Variants in FASN observed in about 807,000 individuals in gnomAD.
FASN encodes the protein fatty acid synthase.
Under a neutral mutation model 250.0 loss-of-function variants are expected in FASN, and 50 were observed. That is an observed-to-expected ratio of 0.20 (90% CI 0.16 to 0.25). The LOEUF is 0.25. FASN is among the 10% of genes least tolerant of loss of function. FASN has a pLI of 1.00. For synonymous variants in FASN, 1,909 were observed against 1,584.0 expected (o/e 1.21, Z -4.87); for missense variants, 3,031 against 3,498.5 (o/e 0.87, Z 3.37).
At position 82,091,478 on chromosome 17, in the gene FASN, G is replaced by C. The variant is rs558030339; in HGVS notation, c.1236C>G (p.Pro412=). ...GCAGGGTGGCATGTGGGGCGGGTGCGGGGGGCGGCTGCGTGTTGGGCCTCA... is the reference window on the plus strand; with the variant it reads ...GCAGGGTGGCATGTGGGGCGGGTGCCGGGGGCGGCTGCGTGTTGGGCCTCA... ...IILRPNTQPP[P]APAPHATLPR... Residue 412 remains proline, a synonymous_variant, in exon 9 of 43, where the codon CCC becomes CCG. Coordinates refer to ENST00000306749, the MANE Select transcript of FASN (RefSeq NM_004104.5). 6.2e-7 allele frequency: 1 copy of C among 1,604,402 alleles called. No individual in the cohort carries two copies. Among genetic ancestry groups the C allele is most frequent in the African/African-American group, 1.3e-5 (1 of 74,742 alleles).
chr17:82,089,446 G>T, intron 12 of FASN, 62 bp from the exon 13 acceptor site: 1 of 1,611,956 alleles, frequency 6.2e-7, no homozygotes, highest in Non-Finnish European at 8.5e-7. Context: ...GCTCGGAGAG[G>T]TAGGGCGCAC....
At chr17:82,097,361 G>T (rs1193665995) in intron 1 of FASN, 5 of 152,414 alleles carry the variant, frequency 3.3e-5, no homozygotes, top group Admixed American at 2.6e-4. Context: ...GTGCGGCCCT[G>T]GGGGGAGGGG....
Position 82,085,557 on chromosome 17 carries a change from C to T in FASN, c.4047G>A (p.Arg1349=). ...CCACGATGTCCCCGAGGGGGTGCCC[C>T]CGGAGCAGTGTGTGCAGGAGCAGAA... The part of the protein sequence containing the change: ...GGFLLLHTLL[R]GHPLGDIVAF... Residue 1349 remains arginine, a synonymous_variant, in exon 23 of 43, where the codon CGG becomes CGA. Coordinates refer to ENST00000306749, the MANE Select transcript of FASN (RefSeq NM_004104.5). 6.3e-7 allele frequency: 1 copy of T among 1,595,406 alleles called. No individual in the cohort carries two copies. The highest frequency in any genetic ancestry group is 1.3e-5 in the African/African-American group (1 of 74,686).
intron 3 of FASN, chr17:82,094,091 G>T: frequency 2.1e-6 from 1 of 467,970 alleles, no homozygotes; most frequent in East Asian, 4.2e-5. Flanking sequence ...GAAGGACAGA[G>T]GGCAGCATTG....
chr17:82,096,212 C>T, intron 2 of FASN, 107 bp downstream of exon 2: 2 of 1,561,170 alleles, frequency 1.3e-6, no homozygotes, highest in Non-Finnish European at 1.7e-6. Flanking sequence ...CGGCCTCAGG[C>T]CAGTGCCTGG....
Position 82,083,509 on chromosome 17 carries a change from G to A in FASN, c.5341+8C>T, listed in dbSNP as rs371663784. On this transcript the variant is annotated splice_region_variant and intron_variant, in intron 31 of 42. Coordinates refer to ENST00000306749, the MANE Select transcript of FASN (RefSeq NM_004104.5). Reference sequence around the variant, plus strand: ...TGCCCACCCCCGCCCAGGCGCTGCCGGCCTCACCGAGCGGGTGGTTCTGAG... The same window carrying A: ...TGCCCACCCCCGCCCAGGCGCTGCCAGCCTCACCGAGCGGGTGGTTCTGAG... 1.2e-4 allele frequency: 201 copies of A among 1,612,786 alleles called. No individual in the cohort carries two copies. Among genetic ancestry groups the A allele is most frequent in the South Asian group, 9.3e-4 (85 of 91,086 alleles).
intron 19 of FASN, 58 bp downstream of exon 19, chr17:82,087,627 C>G (rs906175668): frequency 5.0e-6 from 8 of 1,603,056 alleles, no homozygotes; most frequent in Non-Finnish European, 6.8e-6. Flanking sequence ...CCTCTGTGGT[C>G]CCCACAATGA....
At chr17:82,095,136 T>TG (rs1172836347) in intron 3 of FASN, among the ~76,000 whole-genome samples, 184 bp downstream of exon 3, 2 of 152,190 alleles carry the variant, frequency 1.3e-5, no homozygotes, top group Non-Finnish European at 2.9e-5. Flanking sequence ...GGGGTGCAGT[T>TG]GGGAAACTGC....
rs1486817970 is a variant in FASN at position 82,082,141 on chromosome 17, G to A, written c.6031C>T (p.Pro2011Ser). ...AAGACCACAAAGTAGTCCAGCTCAG[G>A]GCACGCCTCTCGGGTCACCCTGTGG... is the stretch of plus-strand genomic sequence containing the variant. ...NLDRVTREACPELDYFVVFSS... is the reference protein window; with the variant it reads ...NLDRVTREACSELDYFVVFSS... The change falls in exon 36 of 43, where the codon CCT (proline) becomes TCT (serine). Residue 2011 changes from proline (P) to serine (S), a missense_variant. By Grantham distance (74) the Pro-to-Ser change is moderately conservative (BLOSUM62 -1). Transcript: ENST00000306749. 1 of 1,604,906 alleles carries A rather than the reference G, an allele frequency of 6.2e-7. No individual in the cohort carries two copies. The highest frequency in any genetic ancestry group is 1.3e-5 in the African/African-American group (1 of 75,050).
In FASN at chr17:82,092,540, G is replaced by C. The variant is rs1218333942; in HGVS notation, c.944C>G (p.Thr315Ser). The change falls in exon 8 of 43, where the codon ACC becomes AGC. Residue 315 changes from threonine to serine, a missense_variant. Transcript: ENST00000306749. ...GCCGATGAGCAGCGGCTCCTGGCGGGTGGCGCACAGGGCTCGGGTGATGCC... is the reference window on the plus strand; with the variant it reads ...GCCGATGAGCAGCGGCTCCTGGCGGCTGGCGCACAGGGCTCGGGTGATGCC... ...LNGITRALCA[T>S]RQEPLLIGST... 3 of 1,606,464 alleles carry C rather than the reference G, an allele frequency of 1.9e-6. No homozygotes were observed. In the South Asian group the frequency reaches 3.3e-5, roughly 18 times the overall value.
chr17:82,088,610 G>A (rs975304552), intron 15 of FASN, 48 bp from the exon 16 acceptor site: 5 of 1,584,828 alleles, frequency 3.2e-6, no homozygotes, highest in Non-Finnish European at 4.3e-6. Flanking sequence ...CGGGGTCCAG[G>A]GGCTCTGGGT....
In FASN at chr17:82,081,228, G is replaced by A. The variant is rs1160132362; in HGVS notation, c.6531C>T (p.Arg2177=). The change falls in exon 38 of 43, where the codon CGC becomes CGT. Residue 2177 remains arginine (R), a synonymous_variant. Transcript: ENST00000306749. ...TCCGGAGCGTGAGTTGCCGCACCTCGCGCACGGACAGCACCAGGTTGAGCT... is the reference window on the plus strand; with the variant it reads ...TCCGGAGCGTGAGTTGCCGCACCTCACGCACGGACAGCACCAGGTTGAGCT... ...ERELNLVLSV[R]EVRQLTLRKL... The A allele has an allele frequency of 5.0e-6, 8 of 1,591,474 alleles. No homozygotes were observed. The highest frequency in any genetic ancestry group is 1.7e-4 in the Middle Eastern group (1 of 5,964).
chr17:82,091,363 G>A lies in FASN; in HGVS notation c.1351C>T (p.Leu451=). 1.2e-6 allele frequency: 2 copies of A among 1,611,182 alleles called. No homozygotes were observed. Among genetic ancestry groups the A allele is most frequent in the Non-Finnish European group, 8.5e-7 (1 of 1,179,306 alleles). ...GLRHSQDLAF[L]SMLNDIAAVP... ...GCCGCGATGTCGTTCAGCATGCTCA[G>A]GAAAGCCAGGTCCTGGCTGTGCCGG... Residue 451 remains leucine (L), a synonymous_variant, in exon 9 of 43, where the codon CTG becomes TTG. Transcript: ENST00000306749.
Position 82,080,942 on chromosome 17 carries a change from T to A in FASN, c.6596-20A>T, listed in dbSNP as rs374109677. 2.5e-6 allele frequency: 4 copies of A among 1,585,494 alleles called. No homozygotes were observed. In the African/African-American group the frequency reaches 5.4e-5, roughly 21 times the overall value. On this transcript the variant is annotated intron_variant, in intron 38 of 42. Coordinates refer to ENST00000306749, the MANE Select transcript of FASN (RefSeq NM_004104.5). ...CCAGCTCTGTGAAGACAGGGGCAGATGCCAGGCTGGTCTGGGTGCAGAGCC... is the reference window on the plus strand; with the variant it reads ...CCAGCTCTGTGAAGACAGGGGCAGAAGCCAGGCTGGTCTGGGTGCAGAGCC...
At position 82,087,980 on chromosome 17, in the gene FASN, G is replaced by A; in HGVS notation, c.2840C>T (p.Ser947Leu). The stretch of plus-strand genomic sequence containing the variant: ...ACTCACTACCAGGTTGCCGTTCTCT[G>A]ACACCTCGAAGGCACGGGAGGCCTC... The part of the protein sequence containing the change: ...LLEASRAFEV[S>L]ENGNLVVSGK... Residue 947 changes from serine to leucine, a missense_variant, in exon 18 of 43, where the codon TCA (serine) becomes TTA (leucine). By Grantham distance (145) the Ser-to-Leu change is moderately radical (BLOSUM62 -2). Coordinates refer to ENST00000306749, the MANE Select transcript of FASN (RefSeq NM_004104.5). The A allele has an allele frequency of 6.2e-7, 1 of 1,612,712 alleles. No individual in the cohort carries two copies. Among genetic ancestry groups the A allele is most frequent in the South Asian group, 1.1e-5 (1 of 91,078 alleles).
rs752671593 is a variant in FASN, at chr17:82,088,375, C to G, written c.2593+15G>C. 4 of 1,611,722 alleles carry G rather than the reference C, an allele frequency of 2.5e-6. No individual in the cohort carries two copies. Among genetic ancestry groups the G allele is most frequent in the Non-Finnish European group, 3.4e-6 (4 of 1,179,690 alleles). ...GGGAGGGAAGAGTCTGCCCACCCGC[C>G]GGGCCCCTGCTCACCGATGTTGTAG... On this transcript the variant is annotated intron_variant, in intron 16 of 42. Transcript: ENST00000306749.
intron 25 of FASN, 29 bp downstream of exon 25, chr17:82,085,006 G>C: frequency 6.3e-7 from 1 of 1,592,298 alleles, no homozygotes; most frequent in Non-Finnish European, 8.5e-7. Context: ...TGGTGGGGAA[G>C]GGGAAGTGGT....
At chr17:82,088,690 G>C in intron 15 of FASN, 71 bp downstream of exon 15, 1 of 1,513,596 alleles carries the variant, frequency 6.6e-7, no homozygotes, top group Non-Finnish European at 9.1e-7. Context: ...TGAGGGGCCC[G>C]CAGCCCCGCT....
Position 82,091,041 on chromosome 17 carries a change from C to T in FASN, c.1521G>A (p.Gly507=). 1 of 1,612,582 alleles carries T rather than the reference C, an allele frequency of 6.2e-7. No individual in the cohort carries two copies. Among genetic ancestry groups the T allele is most frequent in the East Asian group, 2.2e-5 (1 of 44,886 alleles). Residue 507 remains glycine, a synonymous_variant, in exon 10 of 43, where the codon GGG becomes GGA. Transcript: ENST00000306749. ...SGMGTQWRGM[G]LSLMRLDRFR... is the part of the protein sequence containing the mutation. ...AGCGGTCCAGGCGCATGAGGCTCAG[C>T]CCCATCCCGCGCCACTGTGTGCCCA...
Sources: gnomAD v4.1 joint callset for allele counts (sites outside exome capture counted in the v4.1 genomes callset) on GRCh38, gnomAD v4.1.1 for gene constraint, MANE v1.5 for transcripts, NCBI Gene and HGNC (gene_info 2026-07-23, HGNC 2026-07-21) for gene names.